The following KIRREL3 variants were observed in gnomAD, a reference collection of about 807,000 sequenced individuals.
KIRREL3 encodes the protein kin of IRRE-like protein 3.
In KIRREL3, 36 loss-of-function variants were observed where a neutral mutation model predicts 89.7. That is an observed-to-expected ratio of 0.40 (90% CI 0.31 to 0.53). KIRREL3 has a LOEUF of 0.53. KIRREL3 is among the 20% of genes least tolerant of loss of function. KIRREL3 has a pLI of 0.49. For synonymous variants in KIRREL3, 445 were observed against 441.4 expected, an observed-to-expected ratio of 1.01 and a Z score of -0.10; for missense variants, 864 against 1,056.6, an observed-to-expected ratio of 0.82 and a Z score of 2.53.
intron 1 of KIRREL3, among the ~76,000 whole-genome samples, chr11:126,679,396 T>A (rs971957336): frequency 3.9e-5 from 6 of 152,238 alleles, no homozygotes; most frequent in Admixed American, 3.3e-4. Context: ...TTGAGCAGCA[T>A]ATGCGTGTCC....
intron 1 of KIRREL3, among the ~76,000 whole-genome samples, chr11:126,695,120 T>C (rs1228551439): frequency 1.3e-5 from 2 of 152,228 alleles, no homozygotes; most frequent in African/African-American, 4.8e-5. Flanking sequence ...AGGATAGCTA[T>C]GAAAGAGACC....
intron 1 of KIRREL3, among the ~76,000 whole-genome samples, chr11:126,984,039 A>G (rs1949787644): frequency 6.6e-6 from 1 of 152,158 alleles, no homozygotes; most frequent in African/African-American, 2.4e-5. Context: ...CATGAGCCCC[A>G]CTGAGAAAAC....
chr11:126,815,453 G>A (rs1256883203), intron 1 of KIRREL3, among the ~76,000 whole-genome samples: 2 of 152,226 alleles, frequency 1.3e-5, no homozygotes, highest in African/African-American at 4.8e-5. Context: ...TGAGGTTGTG[G>A]AGGGGATGAA....
chr11:126,865,867 T>C (rs1374264123), intron 1 of KIRREL3, among the ~76,000 whole-genome samples: 1 of 151,612 alleles, frequency 6.6e-6, no homozygotes, highest in Non-Finnish European at 1.5e-5. Flanking sequence ...TTTTTCTTTC[T>C]TTTTTTTTAA....
intron 1 of KIRREL3, among the ~76,000 whole-genome samples, chr11:126,854,717 C>T (rs756079747): frequency 3.3e-5 from 5 of 152,188 alleles, no homozygotes; most frequent in Non-Finnish European, 7.3e-5. Context: ...TCTCTGTTTT[C>T]AATTCCTTTG....
intron 1 of KIRREL3, among the ~76,000 whole-genome samples, chr11:126,979,366 T>C (rs1382787660): frequency 6.6e-6 from 1 of 152,246 alleles, no homozygotes; most frequent in East Asian, 1.9e-4. Flanking sequence ...GTAATAGGCC[T>C]TAAGAACAAC....
rs1326076375 is a variant in KIRREL3, at chr11:126,912,695, G to T, written c.55+87760C>A. 1.3e-5 allele frequency among the ~76,000 whole-genome samples: 2 copies of T among 152,218 alleles called. No individual in the cohort carries two copies. Among genetic ancestry groups the T allele is most frequent in the Admixed American group, 1.3e-4 (2 of 15,284 alleles). ...CCCTGCTGTTCATCATGTTTCTGGG[G>T]TCTTTGTTTCAAATGTGAGGCACAA... On this transcript the variant is annotated intron_variant, in intron 1 of 16. Transcript: ENST00000525144. This position sits in a 1 kb window ranked among gnomAD's most constrained non-coding sequence, Gnocchi z 4.7.
chr11:126,572,771 G>A (rs544551050), intron 1 of KIRREL3, among the ~76,000 whole-genome samples: 17 of 152,158 alleles, frequency 1.1e-4, no homozygotes, highest in Non-Finnish European at 1.8e-4. Context: ...GCAGGGGCGG[G>A]GCTGCTATTT....
At chr11:126,874,458 C>T (rs1477993418) in intron 1 of KIRREL3, among the ~76,000 whole-genome samples, 4 of 152,176 alleles carry the variant, frequency 2.6e-5, no homozygotes, top group South Asian at 2.1e-4. Context: ...TCAGCACTGC[C>T]GGTGCCTGTG....
rs200789628 is a variant in KIRREL3 at position 126,463,244 on chromosome 11, C to T, written c.655G>A (p.Val219Met). ...CACACGATGCTCTGGCCATTCTCCA[C>T]GTCACCAGGGGAGATGAAGAGGGTG... The part of the protein sequence containing the change: ...VSTLFISPGD[V>M]ENGQSIVCRA... Residue 219 changes from valine (V) to methionine (M), a missense_variant, in exon 6 of 17, where the codon GTG (valine) becomes ATG (methionine). Coordinates refer to ENST00000525144, the MANE Select transcript of KIRREL3 (RefSeq NM_032531.4). This position sits in a 1 kb window ranked among gnomAD's most constrained non-coding sequence, Gnocchi z 5.9. 47 of 1,613,832 alleles carry T rather than the reference C, an allele frequency of 2.9e-5. No homozygotes were observed. The Admixed American group carries it at 3.0e-4, about 10-fold the overall frequency.
At chr11:126,469,456 T>G (rs989298980) in intron 5 of KIRREL3, among the ~76,000 whole-genome samples, 11 of 138,884 alleles carry the variant, frequency 7.9e-5, no homozygotes, top group South Asian at 2.5e-4. Context: ...GAGGAGGGGG[T>G]GGGCTGGGTC....
chr11:126,493,654 CAAA>C (rs5795499), intron 4 of KIRREL3, among the ~76,000 whole-genome samples: 2 of 82,234 alleles, frequency 2.4e-5, no homozygotes, highest in Non-Finnish European at 4.3e-5. Flanking sequence ...GACTCTGTCT[CAAA>C]AAAAAAAAAA....
At position 126,656,006 on chromosome 11, in the gene KIRREL3, AT is replaced by A. The variant is rs1255606211; in HGVS notation, c.56-93095del. The A allele has an allele frequency of 3.0e-5, 9 of 298,452 alleles. No individual in the cohort carries two copies. In the East Asian group the frequency reaches 6.5e-4, roughly 22 times the overall value. 18.5% of individuals were successfully genotyped at this position (298,452 alleles called of 1,614,324 possible). ...GGGTGGGAGGAGGCCTTAGAAGCTA[AT>A]TAGAATCCTCTAGAAGTGTGTGGAA... On this transcript the variant is annotated intron_variant, in intron 1 of 16. Coordinates refer to ENST00000525144, the MANE Select transcript of KIRREL3 (RefSeq NM_032531.4). This position sits in a 1 kb window ranked among gnomAD's most constrained non-coding sequence, Gnocchi z 4.0.
chr11:126,824,121 C>T (rs1424715489), intron 1 of KIRREL3, among the ~76,000 whole-genome samples: 6 of 152,162 alleles, frequency 3.9e-5, no homozygotes, highest in Admixed American at 3.9e-4. Flanking sequence ...TTTGGTTCAG[C>T]GTGGCTCGCC....
chr11:126,460,975 C>T (rs1024296572), intron 6 of KIRREL3, among the ~76,000 whole-genome samples: 4 of 152,302 alleles, frequency 2.6e-5, no homozygotes, highest in African/African-American at 7.2e-5. Context: ...GGCAGTGAAT[C>T]GAATGGCAGC....
chr11:126,453,094 C>T (rs902781684), intron 7 of KIRREL3, among the ~76,000 whole-genome samples: 6 of 151,392 alleles, frequency 4.0e-5, no homozygotes, highest in African/African-American at 1.5e-4. Flanking sequence ...CCCCACCTCC[C>T]CCAGCCCCTC....
chr11:126,784,779 TA>T (rs1445764367), intron 1 of KIRREL3, among the ~76,000 whole-genome samples: 1 of 152,214 alleles, frequency 6.6e-6, no homozygotes, highest in Non-Finnish European at 1.5e-5. Flanking sequence ...CGGTCAGACT[TA>T]CCCTCTATCA....
rs1364269926 is a variant in KIRREL3 at position 126,860,177 on chromosome 11, G to A, written c.55+140278C>T. On this transcript the variant is annotated intron_variant, in intron 1 of 16. Coordinates refer to ENST00000525144, the MANE Select transcript of KIRREL3 (RefSeq NM_032531.4). The surrounding 1 kb of genome is among the most constrained non-coding windows in gnomAD (Gnocchi z 4.6). ...AATTTCAATACAACAAACAGGTAACGAGCATTTGTGATGTGCCCGTTGCTG... is the reference window on the plus strand; with the variant it reads ...AATTTCAATACAACAAACAGGTAACAAGCATTTGTGATGTGCCCGTTGCTG... Among the ~76,000 whole-genome samples the A allele has an allele frequency of 6.6e-6, 1 of 152,164 alleles. No homozygotes were observed. The highest frequency in any genetic ancestry group is 1.5e-5 in the Non-Finnish European group (1 of 68,032).
intron 1 of KIRREL3, among the ~76,000 whole-genome samples, chr11:126,598,424 T>A (rs1942497591): frequency 6.6e-6 from 1 of 152,226 alleles, no homozygotes; most frequent in African/African-American, 2.4e-5. Flanking sequence ...TAGAGGTGAT[T>A]GATGCGAATA....
Sources: allele counts gnomAD v4.1 joint callset (sites outside exome capture counted in the v4.1 genomes callset), GRCh38; gene constraint gnomAD v4.1.1; non-coding constraint Gnocchi (gnomAD v3.1); transcripts MANE v1.5; gene names NCBI Gene and HGNC (gene_info 2026-07-23, HGNC 2026-07-21).